Variants in DNAAF9 observed in about 807,000 individuals in gnomAD.
The protein encoded by DNAAF9 is dynein axonemal assembly factor 9.
In DNAAF9, 90 loss-of-function variants were observed where a neutral mutation model predicts 167.0. That is an observed-to-expected ratio of 0.54 (90% CI 0.45 to 0.64). The LOEUF (loss-of-function observed/expected upper bound fraction) is 0.64, where lower values mean the gene tolerates loss of function less well. Ranked by LOEUF, DNAAF9 falls within the 30% of genes least tolerant of loss-of-function variation. The pLI is 0.00. For synonymous variants in DNAAF9, 491 were observed against 508.8 expected (o/e 0.96, Z 0.47); for missense variants, 1,315 against 1,442.2 (o/e 0.91, Z 1.43).
chr20:3,294,149 T>C lies in DNAAF9; in HGVS notation c.2228A>G (p.Glu743Gly). ...GGTGAGCTCCTCTACCTTGTCACTT[T>C]CTATTCTGTGAGTAGTGTTGATTTC... The part of the protein sequence containing the change: ...QAEINTTHRI[E>G]SDKVIISIVT... The change falls in exon 25 of 37, where the codon GAA becomes GGA. Residue 743 changes from glutamate (E) to glycine (G), a missense_variant. Coordinates refer to ENST00000252032, the MANE Select transcript of DNAAF9 (RefSeq NM_001009984.3). 1 of 1,581,336 alleles carries C rather than the reference T, an allele frequency of 6.3e-7. No homozygotes were observed. The highest frequency in any genetic ancestry group is 8.7e-7 in the Non-Finnish European group (1 of 1,150,008).
intron 20 of DNAAF9, among the ~76,000 whole-genome samples, chr20:3,305,388 C>T (rs865856995): frequency 6.6e-6 from 1 of 152,224 alleles, no homozygotes; most frequent in Non-Finnish European, 1.5e-5. Context: ...GCTTTTCTTT[C>T]CATGTTTCCG....
At chr20:3,319,539 C>T (rs1330464722) in intron 16 of DNAAF9, among the ~76,000 whole-genome samples, 1 of 152,136 alleles carries the variant, frequency 6.6e-6, no homozygotes, top group Non-Finnish European at 1.5e-5. Context: ...GGATAAGTAG[C>T]ACAAGGACCT....
At chr20:3,293,692 C>A (rs112747549) in intron 25 of DNAAF9, among the ~76,000 whole-genome samples, 6,336 of 144,528 alleles carry the variant, frequency 0.044, 210 homozygotes, top group African/African-American at 0.092. Flanking sequence ...AAAAAAAAAT[C>A]CACTCTGGGG....
chr20:3,367,712 A>G (rs887895898), intron 6 of DNAAF9, among the ~76,000 whole-genome samples: 1 of 152,204 alleles, frequency 6.6e-6, no homozygotes, highest in Non-Finnish European at 1.5e-5. Context: ...GCAGTTTGTG[A>G]TGCCCCAAAA....
intron 3 of DNAAF9, among the ~76,000 whole-genome samples, chr20:3,377,792 A>G (rs1030991030): frequency 6.6e-5 from 10 of 152,070 alleles, no homozygotes; most frequent in African/African-American, 2.4e-4. Context: ...TTGGTCAGTT[A>G]TGCCTGAATT....
intron 7 of DNAAF9, among the ~76,000 whole-genome samples, chr20:3,356,416 G>C (rs2083287997): frequency 6.6e-6 from 1 of 152,022 alleles, no homozygotes; most frequent in Admixed American, 6.6e-5. Context: ...ATGTGTTCCT[G>C]GTAATTTCTC....
rs1424008498 is a variant in DNAAF9, at chr20:3,287,680, T to A, written c.2438A>T (p.Gln813Leu). 1 of 1,614,130 alleles carries A rather than the reference T, an allele frequency of 6.2e-7. No individual in the cohort carries two copies. The highest frequency in any genetic ancestry group is 1.6e-4 in the Middle Eastern group (1 of 6,084). The part of the protein sequence containing the change: ...LEAQQNRSAR[Q>L]SAYIRKKTRL... Reference sequence around the variant, plus strand: ...GGTCTTCTTGCGGATGTAGGCTGACTGGCGCGCAGAGCGGTTCTGCTGGGC... The same window carrying A: ...GGTCTTCTTGCGGATGTAGGCTGACAGGCGCGCAGAGCGGTTCTGCTGGGC... Residue 813 changes from glutamine (Q) to leucine (L), a missense_variant, in exon 27 of 37, where the codon CAG (glutamine) becomes CTG (leucine). Gln to Leu is a moderately radical substitution (Grantham distance 113, BLOSUM62 -2). Transcript: ENST00000252032.
intron 17 of DNAAF9, 21 bp from the exon 18 acceptor site, chr20:3,316,814 T>C: frequency 6.3e-7 from 1 of 1,594,582 alleles, no homozygotes; most frequent in Non-Finnish European, 8.6e-7. Context: ...ACCACACACA[T>C]GCCAGTTAAT....
intron 6 of DNAAF9, among the ~76,000 whole-genome samples, chr20:3,373,227 G>A (rs78525817): frequency 0.048 from 7,262 of 152,278 alleles, 269 homozygotes; most frequent in African/African-American, 0.1. Context: ...ACTTCTCAGA[G>A]GGGTAGAAAT....
At chr20:3,402,457 A>G (rs947580295) in intron 1 of DNAAF9, among the ~76,000 whole-genome samples, 4 of 152,132 alleles carry the variant, frequency 2.6e-5, no homozygotes, top group Non-Finnish European at 4.4e-5. Flanking sequence ...ACCATGTTGT[A>G]TAACAGATCT....
intron 10 of DNAAF9, among the ~76,000 whole-genome samples, chr20:3,332,597 G>A (rs746467604): frequency 2.0e-5 from 3 of 151,776 alleles, no homozygotes; most frequent in Non-Finnish European, 4.4e-5. Context: ...GGGAGTACAG[G>A]CACATGCCAT....
rs1197724332 is a variant in DNAAF9 at position 3,298,014 on chromosome 20, A to C, written c.1929+15T>G. 1 of 1,604,198 alleles carries C rather than the reference A, an allele frequency of 6.2e-7. No homozygotes were observed. Among genetic ancestry groups the C allele is most frequent in the Admixed American group, 1.7e-5 (1 of 59,678 alleles). The stretch of plus-strand genomic sequence containing the variant: ...AAAAGTAGTAGTAGTTTTGCTGAAT[A>C]ATGACTGATATTACCTCTGAGTAAA... On this transcript the variant is annotated intron_variant, in intron 22 of 36. Transcript: ENST00000252032.
At chr20:3,308,493 C>A (rs2069344837) in intron 20 of DNAAF9, among the ~76,000 whole-genome samples, 1 of 151,564 alleles carries the variant, frequency 6.6e-6, no homozygotes, top group Non-Finnish European at 1.5e-5. Context: ...CAGGCATGCG[C>A]CACCACGGTC....
chr20:3,279,003 C>T, intron 28 of DNAAF9, 54 bp from the exon 29 acceptor site: 1 of 1,283,892 alleles, frequency 7.8e-7, no homozygotes, highest in Non-Finnish European at 1.1e-6. Flanking sequence ...AGAGTTGTCA[C>T]TGATTATTTC....
At chr20:3,267,164 T>C (rs980429019) in intron 30 of DNAAF9, among the ~76,000 whole-genome samples, 1 of 152,230 alleles carries the variant, frequency 6.6e-6, no homozygotes, top group Non-Finnish European at 1.5e-5. Context: ...ACCTTTGTTT[T>C]TGAGGATCAC....
chr20:3,376,243 G>C lies in DNAAF9; in HGVS notation c.343C>G (p.Arg115Gly). 6.2e-7 allele frequency: 1 copy of C among 1,613,006 alleles called. No individual in the cohort carries two copies. Among genetic ancestry groups the C allele is most frequent in the Non-Finnish European group, 8.5e-7 (1 of 1,179,072 alleles). The change falls in exon 4 of 37, where the codon CGC becomes GGC. Residue 115 changes from arginine (R) to glycine (G), a missense_variant. Arg to Gly is a moderately radical substitution (Grantham distance 125). Around this residue, in one of 2 missense-constraint regions of DNAAF9, gnomAD observed 981 missense variants for 1,012.5 expected, o/e 0.97. Transcript: ENST00000252032. The part of the protein sequence containing the change: ...VHLYCNPVNF[R>G]YLLPYVAHWR... ...TGTGCCACATAAGGTAAGAGATAGCGAAAGTTTACAGGATTACAGTACAGA... is the reference window on the plus strand; with the variant it reads ...TGTGCCACATAAGGTAAGAGATAGCCAAAGTTTACAGGATTACAGTACAGA...
In DNAAF9 at chr20:3,381,414, A is replaced by G; in HGVS notation, c.248T>C (p.Phe83Ser). Reference sequence around the variant, plus strand: ...TTCTTCAGAAAATCCCGTTTTCTCAAAATCACTGGTATTCTGATTGTACAA... The same window carrying G: ...TTCTTCAGAAAATCCCGTTTTCTCAGAATCACTGGTATTCTGATTGTACAA... ...FGLYNQNTSD[F>S]EKTGFSEEVL... Residue 83 changes from phenylalanine to serine, a missense_variant, in exon 3 of 37, where the codon TTT becomes TCT. Around this residue, in one of 2 missense-constraint regions of DNAAF9, gnomAD observed 981 missense variants for 1,012.5 expected, o/e 0.97. Transcript: ENST00000252032. 1 of 1,612,460 alleles carries G rather than the reference A, an allele frequency of 6.2e-7. No homozygotes were observed. The highest frequency in any genetic ancestry group is 8.5e-7 in the Non-Finnish European group (1 of 1,178,544).
At chr20:3,296,747 G>A (rs1303462135) in intron 23 of DNAAF9, 114 bp downstream of exon 23, 1 of 716,380 alleles carries the variant, frequency 1.4e-6, no homozygotes, top group African/African-American at 1.8e-5. Context: ...AAATGTCTGT[G>A]TTGACCCTTT....
chr20:3,348,567 T>A lies in DNAAF9; in HGVS notation c.747A>T (p.Glu249Asp). 1 of 1,604,614 alleles carries A rather than the reference T, an allele frequency of 6.2e-7. No homozygotes were observed. The highest frequency in any genetic ancestry group is 1.3e-5 in the African/African-American group (1 of 74,970). The change falls in exon 8 of 37, where the codon GAA (glutamate) becomes GAT (aspartate). Residue 249 changes from glutamate (E) to aspartate (D), a missense_variant. Coordinates refer to ENST00000252032, the MANE Select transcript of DNAAF9 (RefSeq NM_001009984.3). Reference protein sequence around the residue: ...WTSFFANFDTEIPFLLELSES... With the variant: ...WTSFFANFDTDIPFLLELSES... ...CTGAAAGTTCTAGCAGGAAAGGAAT[T>A]TCTGTGTCAAAATTAGCGAAGAAGC...
Sources: allele counts gnomAD v4.1 joint callset (sites outside exome capture counted in the v4.1 genomes callset), GRCh38; gene constraint gnomAD v4.1.1; regional missense constraint gnomAD v4.1.1; transcripts MANE v1.5; gene names NCBI Gene and HGNC (gene_info 2026-07-23, HGNC 2026-07-21).